Variants in APP observed in about 807,000 individuals in gnomAD.
The protein encoded by APP is amyloid beta precursor protein, also known as amyloid-beta precursor protein.
APP carries 31 observed loss-of-function variants against 101.4 expected under a neutral mutation model. The observed-to-expected ratio is 0.31, with a 90% CI of 0.23 to 0.41. The LOEUF (loss-of-function observed/expected upper bound fraction) is 0.41. Among genes scored for constraint, APP ranks in the 10% least tolerant of loss-of-function variants. The probability of loss-of-function intolerance (pLI) is 1.00; values close to 1 mark genes in which losing one functional copy is unlikely to be tolerated. For synonymous variants in APP, 366 were observed against 364.4 expected, an observed-to-expected ratio of 1.00 and a Z score of -0.05; for missense variants, 839 against 1,003.7, an observed-to-expected ratio of 0.84 and a Z score of 2.22.
At chr21:25,889,810 G>A (rs182413397) in intron 17 of APP, among the ~76,000 whole-genome samples, 11 of 152,154 alleles carry the variant, frequency 7.2e-5, no homozygotes, top group Non-Finnish European at 1.0e-4. Context: ...TCATGCCACT[G>A]CACTCCAGCC....
chr21:25,902,302 C>T (rs868262090), intron 15 of APP, among the ~76,000 whole-genome samples: 9 of 152,144 alleles, frequency 5.9e-5, no homozygotes, highest in East Asian at 1.9e-4. Context: ...AGATATAATT[C>T]GGCACATTAG....
At chr21:26,118,787 G>T (rs955293499) in intron 1 of APP, among the ~76,000 whole-genome samples, 1 of 151,718 alleles carries the variant, frequency 6.6e-6, no homozygotes, top group Non-Finnish European at 1.5e-5. Flanking sequence ...TGATCTGCCC[G>T]CCTCGGCCTC....
At chr21:26,121,880 C>T (rs893467361) in intron 1 of APP, among the ~76,000 whole-genome samples, 18 of 152,078 alleles carry the variant, frequency 1.2e-4, no homozygotes, top group East Asian at 7.7e-4. Flanking sequence ...TTGACCCACT[C>T]GGAACGTAGA....
chr21:26,130,440 G>A (rs2062771279), intron 1 of APP, among the ~76,000 whole-genome samples: 1 of 152,250 alleles, frequency 6.6e-6, no homozygotes, highest in Non-Finnish European at 1.5e-5. Flanking sequence ...GCAGGAAACA[G>A]CAAGGCCACT....
At chr21:26,113,429 A>G (rs1014043781) in intron 1 of APP, among the ~76,000 whole-genome samples, 5 of 152,224 alleles carry the variant, frequency 3.3e-5, no homozygotes, top group African/African-American at 1.2e-4. Context: ...TTTTACACAT[A>G]CTTCGTCAAA....
At chr21:25,981,432 CA>C (rs1215782400) in intron 9 of APP, among the ~76,000 whole-genome samples, 5 of 152,276 alleles carry the variant, frequency 3.3e-5, no homozygotes, top group Admixed American at 3.3e-4. Flanking sequence ...CTTTTCCCCC[CA>C]CATTCACTCC....
At chr21:26,001,332 T>G (rs1404091867) in intron 6 of APP, among the ~76,000 whole-genome samples, 2 of 152,216 alleles carry the variant, frequency 1.3e-5, no homozygotes, top group Non-Finnish European at 2.9e-5. Context: ...TATCCCATTT[T>G]TATTGGAAGT....
At chr21:25,978,350 T>C (rs1346584737) in intron 9 of APP, among the ~76,000 whole-genome samples, 1 of 152,230 alleles carries the variant, frequency 6.6e-6, no homozygotes, top group East Asian at 1.9e-4. Context: ...GTAGCATTAC[T>C]GCTGACCCTG....
intron 1 of APP, among the ~76,000 whole-genome samples, chr21:26,146,010 T>C (rs552686443): frequency 6.6e-6 from 1 of 152,352 alleles, no homozygotes; most frequent in East Asian, 1.9e-4. Context: ...AATTAGTTTC[T>C]AGAATTCCTA....
rs745948082 is a variant in APP, at chr21:25,891,814, C to T, written c.2119G>A (p.Val707Met). The T allele has an allele frequency of 1.2e-6, 2 of 1,614,132 alleles. No individual in the cohort carries two copies. Among genetic ancestry groups the T allele is most frequent in the South Asian group, 2.2e-5 (2 of 91,078 alleles). The change falls in exon 17 of 18, where the codon GTG (valine) becomes ATG (methionine). Residue 707 changes from valine (V) to methionine (M), a missense_variant. Coordinates refer to ENST00000346798, the MANE Select transcript of APP (RefSeq NM_000484.4). ...SNKGAIIGLM[V>M]GGVVIATVIV... Reference sequence around the variant, plus strand: ...ACTGTCGCTATGACAACACCGCCCACCATGAGTCCAATGATTGCACCTTTG... The same window carrying T: ...ACTGTCGCTATGACAACACCGCCCATCATGAGTCCAATGATTGCACCTTTG...
chr21:25,929,897 T>TC (rs533797437), intron 13 of APP, among the ~76,000 whole-genome samples: 1 of 152,262 alleles, frequency 6.6e-6, no homozygotes, highest in South Asian at 2.1e-4. Context: ...CAGTGTCCCA[T>TC]TTTTTCTGCT....
chr21:25,969,114 C>T (rs144372026), intron 11 of APP, among the ~76,000 whole-genome samples: 4 of 151,208 alleles, frequency 2.6e-5, no homozygotes, highest in African/African-American at 2.4e-5. Flanking sequence ...CGGAGGCTGG[C>T]GGATCACGAG....
chr21:26,136,435 T>C (rs1195507300), intron 1 of APP, among the ~76,000 whole-genome samples: 5 of 152,144 alleles, frequency 3.3e-5, no homozygotes, highest in East Asian at 1.9e-4. Flanking sequence ...TTTTAAAATA[T>C]GTACAGGCTT....
intron 9 of APP, among the ~76,000 whole-genome samples, chr21:25,978,824 T>C (rs1360629219): frequency 6.6e-6 from 1 of 152,132 alleles, no homozygotes; most frequent in Non-Finnish European, 1.5e-5. Context: ...TGGTGGCACG[T>C]GCCTGTAATC....
intron 5 of APP, among the ~76,000 whole-genome samples, chr21:26,037,302 C>T (rs142293949): frequency 2.6e-4 from 39 of 152,180 alleles, no homozygotes; most frequent in Middle Eastern, 3.4e-3. Context: ...TAGTGCTCTA[C>T]AGCACTGTAG....
At chr21:26,103,225 G>A (rs912720623) in intron 2 of APP, among the ~76,000 whole-genome samples, 1 of 152,204 alleles carries the variant, frequency 6.6e-6, no homozygotes, top group Non-Finnish European at 1.5e-5. Flanking sequence ...CATGGCCTTT[G>A]CATTTGAAGC....
At chr21:26,135,718 T>C (rs562763338) in intron 1 of APP, among the ~76,000 whole-genome samples, 8 of 152,298 alleles carry the variant, frequency 5.3e-5, no homozygotes, top group African/African-American at 1.9e-4. Context: ...CTACCTGCCT[T>C]TCTCTCTCAT....
intron 1 of APP, among the ~76,000 whole-genome samples, chr21:26,136,172 AG>A (rs2062905224): frequency 4.1e-5 from 2 of 49,264 alleles, no homozygotes; most frequent in African/African-American, 9.2e-5. Context: ...AAGAAAGAAA[AG>A]AAAGAAAGAA....
At chr21:25,947,733 G>C (rs963896595) in intron 13 of APP, among the ~76,000 whole-genome samples, 1 of 151,994 alleles carries the variant, frequency 6.6e-6, no homozygotes, top group South Asian at 2.1e-4. Context: ...CCAGATGTGG[G>C]GGCTCACGCC....
Sources: gnomAD v4.1 joint callset for allele counts (sites outside exome capture counted in the v4.1 genomes callset) on GRCh38, gnomAD v4.1.1 for gene constraint, MANE v1.5 for transcripts, NCBI Gene and HGNC (gene_info 2026-07-23, HGNC 2026-07-21) for gene names.